Variants in TMED3 observed in about 807,000 individuals in gnomAD.
TMED3 encodes the protein transmembrane emp24 domain-containing protein 3.
TMED3 carries 9 observed loss-of-function variants against 15.0 expected under a neutral mutation model. The ratio of observed to expected loss-of-function variants is 0.60; its 90% confidence interval spans 0.36 to 1.04. The LOEUF (loss-of-function observed/expected upper bound fraction) is 1.04, where lower values mean the gene tolerates loss of function less well. TMED3 is among the 50% of genes least tolerant of loss of function. The pLI is 0.01. For missense variants in TMED3, 267 were observed against 278.9 expected (o/e 0.96, Z 0.30); for synonymous variants, 117 against 121.4 (o/e 0.96, Z 0.24).
intron 2 of TMED3, among the ~76,000 whole-genome samples, chr15:79,355,561 C>T (rs905717165): frequency 3.9e-5 from 6 of 152,180 alleles, no homozygotes; most frequent in Admixed American, 2.0e-4. Context: ...CAGACATCCA[C>T]AATAACCAGT....
At chr15:79,363,354 T>A (rs1439612037) in intron 2 of TMED3, among the ~76,000 whole-genome samples, 1 of 152,122 alleles carries the variant, frequency 6.6e-6, no homozygotes, top group African/African-American at 2.4e-5. Flanking sequence ...TTGTAAAACT[T>A]CTGTATATCA....
chr15:79,367,204 G>GA (rs1893253203), intron 2 of TMED3, among the ~76,000 whole-genome samples: 1 of 152,166 alleles, frequency 6.6e-6, no homozygotes, highest in Admixed American at 6.5e-5. Context: ...ATATGATGCA[G>GA]AACTAAAACA....
intron 2 of TMED3, among the ~76,000 whole-genome samples, chr15:79,365,830 C>G (rs1348842213): frequency 6.6e-6 from 1 of 152,190 alleles, no homozygotes; most frequent in African/African-American, 2.4e-5. Flanking sequence ...ATTTTCCTTT[C>G]ACAGCAGCAA....
chr15:79,384,386 T>C (rs1006239449), intron 2 of TMED3: 4 of 152,222 alleles, frequency 2.6e-5, no homozygotes, highest in African/African-American at 7.2e-5. Flanking sequence ...ATATACATCA[T>C]TGTCGGAATA....
chr15:79,380,539 TTATA>T lies in TMED3; in HGVS notation c.418-30854_418-30851del, dbSNP rs1266274048. ...GTTATATATAGTTATATATATGTAGTTATATATATAGTTGTATATATGTAGTTAC... is the reference window on the plus strand; with the variant it reads ...GTTATATATAGTTATATATATGTAGTTATATAGTTGTATATATGTAGTTAC... On this transcript the variant is annotated intron_variant, in intron 2 of 2. Coordinates refer to the TMED3 transcript ENST00000424155. Among the ~76,000 whole-genome samples, 4 of 146,990 alleles carry T rather than the reference TTATA, an allele frequency of 2.7e-5. No homozygotes were observed. The East Asian group carries it at 7.8e-4, about 29-fold the overall frequency.
At chr15:79,402,912 G>T (rs1746439250) in intron 2 of TMED3, among the ~76,000 whole-genome samples, 1 of 152,050 alleles carries the variant, frequency 6.6e-6, no homozygotes, top group African/African-American at 2.4e-5. Context: ...GCCTTGTGAA[G>T]GAGTCTCATC....
At chr15:79,323,564 A>G (rs1254836200), downstream of TMED3, among the ~76,000 whole-genome samples, 4 of 152,224 alleles carry the variant, frequency 2.6e-5, no homozygotes, top group East Asian at 7.7e-4. Flanking sequence ...CAAAAATCCT[A>G]TGCTCCTGCT....
chr15:79,386,275 T>C (rs950875550), intron 2 of TMED3, among the ~76,000 whole-genome samples: 11 of 152,234 alleles, frequency 7.2e-5, no homozygotes, highest in African/African-American at 2.7e-4. Flanking sequence ...GAGGGTAAAT[T>C]TAATGTTATG....
At chr15:79,331,329 T>G (rs981966979) in intron 2 of TMED3, among the ~76,000 whole-genome samples, 5 of 152,108 alleles carry the variant, frequency 3.3e-5, no homozygotes, top group African/African-American at 1.2e-4. Context: ...TTTCAATAAA[T>G]GGTGCTGAAA....
At chr15:79,351,580 G>A (rs1277892048) in intron 2 of TMED3, among the ~76,000 whole-genome samples, 2 of 152,050 alleles carry the variant, frequency 1.3e-5, no homozygotes, top group Non-Finnish European at 2.9e-5. Flanking sequence ...AATAATAGAT[G>A]TTGGCGTGGA....
chr15:79,398,122 C>T (rs1163428383), intron 2 of TMED3, among the ~76,000 whole-genome samples: 1 of 152,070 alleles, frequency 6.6e-6, no homozygotes, highest in East Asian at 1.9e-4. Context: ...CCCTAAAAAC[C>T]TCTGCGCTCT....
chr15:79,400,026 G>A (rs1421007682), intron 2 of TMED3, among the ~76,000 whole-genome samples: 1 of 152,180 alleles, frequency 6.6e-6, no homozygotes, highest in Non-Finnish European at 1.5e-5. Flanking sequence ...GCTTTCTATT[G>A]TACCGGGGAT....
At chr15:79,397,320 A>G (rs952990925) in intron 2 of TMED3, among the ~76,000 whole-genome samples, 5 of 152,242 alleles carry the variant, frequency 3.3e-5, no homozygotes, top group Admixed American at 6.5e-5. Context: ...CCTTTCAGAA[A>G]GTATTGTGTA....
intron 2 of TMED3, among the ~76,000 whole-genome samples, chr15:79,336,731 GA>G (rs566830164): frequency 2.7e-5 from 4 of 147,254 alleles, no homozygotes; most frequent in East Asian, 4.1e-4. Flanking sequence ...AACAAACAAA[GA>G]AAAAAACACA....
intron 2 of TMED3, among the ~76,000 whole-genome samples, chr15:79,372,144 T>A (rs564396214): frequency 5.3e-5 from 8 of 152,344 alleles, no homozygotes; most frequent in African/African-American, 1.9e-4. Context: ...TCATTACTTA[T>A]AATTCTGCAG....
At chr15:79,375,981 T>C (rs2141247055) in intron 2 of TMED3, among the ~76,000 whole-genome samples, 1 of 152,074 alleles carries the variant, frequency 6.6e-6, no homozygotes, top group Admixed American at 6.5e-5. Context: ...AGGGTTAGAG[T>C]TGGGATTATT....
chr15:79,394,785 CCTATT>C (rs1338004975), intron 2 of TMED3, among the ~76,000 whole-genome samples: 1 of 152,186 alleles, frequency 6.6e-6, no homozygotes, highest in Non-Finnish European at 1.5e-5. Flanking sequence ...AACACAGTAT[CCTATT>C]TTATTGAACT....
chr15:79,314,805 T>G, intron 2 of TMED3: 1 of 277,476 alleles, frequency 3.6e-6, no homozygotes, highest in Non-Finnish European at 7.5e-6. Flanking sequence ...CATTATTCTC[T>G]GATCCCATCC....
chr15:79,363,078 A>C (rs1893162566), intron 2 of TMED3, among the ~76,000 whole-genome samples: 1 of 152,250 alleles, frequency 6.6e-6, no homozygotes. Flanking sequence ...GTAATTCATT[A>C]GATGAGAAAA....
Sources: gnomAD v4.1 joint callset for allele counts (sites outside exome capture counted in the v4.1 genomes callset) on GRCh38, gnomAD v4.1.1 for gene constraint, MANE v1.5 for transcripts, NCBI Gene and HGNC (gene_info 2026-07-23, HGNC 2026-07-21) for gene names.